DENND6B: variants seen among roughly 807,000 people sequenced by gnomAD.
DENND6B encodes DENN domain containing 6B.
Under a neutral mutation model 85.1 loss-of-function variants are expected in DENND6B, and 73 were observed. The observed-to-expected ratio is 0.86, with a 90% CI of 0.71 to 1.04. The LOEUF (loss-of-function observed/expected upper bound fraction) is 1.04. DENND6B is among the 50% of genes least tolerant of loss of function. DENND6B has a pLI of 0.00. For missense variants in DENND6B, 715 were observed against 785.8 expected (o/e 0.91, Z 1.08); for synonymous variants, 357 against 329.3 (o/e 1.08, Z -0.91).
rs186696378 is a variant in DENND6B, at chr22:50,311,814, G to A, written c.*325C>T. On this transcript the variant is annotated 3_prime_UTR_variant, in exon 20 of 20. Coordinates refer to ENST00000413817, the MANE Select transcript of DENND6B (RefSeq NM_001001794.4). ...GGTCGGGGGCCAACAGATGGGCACC[G>A]GGAGGGGCAGACGGTAGACGCACCC... 1,385 of 382,850 alleles carry A rather than the reference G, an allele frequency of 3.6e-3. 3 individuals are homozygous for A. The highest frequency in any genetic ancestry group is 5.6e-3 in the Non-Finnish European group (1,153 of 205,664). 23.7% of individuals were successfully genotyped at this position (382,850 alleles called of 1,614,324 possible).
chr22:50,325,017 C>T (rs1467750434), intron 1 of DENND6B, among the ~76,000 whole-genome samples: 3 of 152,174 alleles, frequency 2.0e-5, no homozygotes, highest in East Asian at 1.9e-4. Context: ...GTGACTAAAA[C>T]GACCTCGATC....
Position 50,314,205 on chromosome 22 carries a change from A to C in DENND6B, c.1138+2T>G. ...GGGCTCCAGGTCGAGGGGAGCACAG[A>C]CCTGGCTTGGTGTCCAGGGTCTTCA... On this transcript the variant is annotated splice_donor_variant, in intron 13 of 19. Transcript: ENST00000413817. LOFTEE classifies it high-confidence loss of function. 6.2e-7 allele frequency: 1 copy of C among 1,603,336 alleles called. No individual in the cohort carries two copies. Among genetic ancestry groups the C allele is most frequent in the South Asian group, 1.1e-5 (1 of 90,922 alleles).
chr22:50,309,907 G>A lies in DENND6B; in HGVS notation c.*2232C>T, dbSNP rs1480797702. The stretch of plus-strand genomic sequence containing the variant: ...AGCACATGCTGCCACGGTCCTTGGG[G>A]TGCGCTCCCCAAAGTGGGGTCACAG... On this transcript the variant is annotated 3_prime_UTR_variant, in exon 20 of 20. Transcript: ENST00000413817. The A allele has an allele frequency of 6.6e-6, 1 of 152,320 alleles. No homozygotes were observed. Among genetic ancestry groups the A allele is most frequent in the Non-Finnish European group, 1.5e-5 (1 of 68,098 alleles). 9.4% of individuals were successfully genotyped at this position (152,320 alleles called of 1,614,324 possible).
chr22:50,325,326 G>A (rs2042160049), intron 1 of DENND6B, among the ~76,000 whole-genome samples: 1 of 149,826 alleles, frequency 6.7e-6, no homozygotes, highest in East Asian at 2.0e-4. Context: ...AAGGAACAGA[G>A]GAACCTCCTT....
intron 15 of DENND6B, 32 bp from the exon 16 acceptor site, chr22:50,313,531 G>C (rs1183623218): frequency 6.5e-7 from 1 of 1,537,722 alleles, no homozygotes; most frequent in Non-Finnish European, 8.8e-7. Flanking sequence ...GTGAGCCCGG[G>C]GACCCATGCC....
At position 50,312,550 on chromosome 22, in the gene DENND6B, G is replaced by A. The variant is rs531277848; in HGVS notation, c.1533C>T (p.Ala511=). The A allele has an allele frequency of 5.7e-5, 91 of 1,595,668 alleles. 1 individual carries two copies. The African/African-American group carries it at 1.1e-3, about 19-fold the overall frequency. The stretch of plus-strand genomic sequence containing the variant: ...CCTCACAGATAGCCTCCAGGTGCAG[G>A]GCCTCCAGCTTCAGGGCCATCTCCT... ...RHKEMALKLE[A]LHLEAICEAN... The change falls in exon 18 of 20, where the codon GCC becomes GCT. Residue 511 remains alanine, a synonymous_variant. Coordinates refer to ENST00000413817, the MANE Select transcript of DENND6B (RefSeq NM_001001794.4).
At chr22:50,324,943 T>G (rs564409221) in intron 1 of DENND6B, among the ~76,000 whole-genome samples, 4 of 152,282 alleles carry the variant, frequency 2.6e-5, no homozygotes, top group African/African-American at 9.6e-5. Context: ...TCCTGGGGCT[T>G]TGCAGTGCTT....
chr22:50,317,763 C>T, intron 4 of DENND6B, 145 bp downstream of exon 4: 1 of 793,162 alleles, frequency 1.3e-6, no homozygotes, highest in Non-Finnish European at 1.9e-6. Context: ...GTGCCTGGGA[C>T]TGCAGGGCCA....
chr22:50,314,903 C>T lies in DENND6B; in HGVS notation c.777G>A (p.Leu259=). The T allele has an allele frequency of 6.2e-7, 1 of 1,611,412 alleles. No individual in the cohort carries two copies. Among genetic ancestry groups the T allele is most frequent in the African/African-American group, 1.3e-5 (1 of 75,004 alleles). ...GCTCCCACAGTGTCTGCATATGAGT[C>T]AGCACAGGCCGGAAGCACCTGGGGC... is the stretch of plus-strand genomic sequence containing the variant. ...LDLFRCFRPV[L]THMQTLWELM... The change falls in exon 10 of 20, where the codon CTG becomes CTA. Residue 259 remains leucine, a synonymous_variant. Transcript: ENST00000413817.
intron 1 of DENND6B, among the ~76,000 whole-genome samples, chr22:50,323,710 G>A (rs1046153255): frequency 8.5e-5 from 12 of 141,844 alleles, no homozygotes; most frequent in African/African-American, 3.2e-4. Flanking sequence ...GCATCAGCCA[G>A]CACGCCTAGC....
intron 5 of DENND6B, 47 bp downstream of exon 5, chr22:50,317,236 TGCCTGCCAGC>T (rs2041880045): frequency 6.3e-7 from 1 of 1,597,730 alleles, no homozygotes; most frequent in Non-Finnish European, 8.5e-7. Flanking sequence ...CCCCTCCTGC[TGCCTGCCAGC>T]TCCTGCCGCT....
intron 3 of DENND6B, 75 bp downstream of exon 3, chr22:50,318,772 T>C (rs1160363221): frequency 1.3e-6 from 2 of 1,587,832 alleles, no homozygotes; most frequent in East Asian, 2.3e-5. Flanking sequence ...GAGGCAGCCA[T>C]GATGCCCCTG....
Position 50,316,469 on chromosome 22 carries a change from C to A in DENND6B, c.460G>T (p.Val154Leu). 1 of 1,577,812 alleles carries A rather than the reference C, an allele frequency of 6.3e-7. No individual in the cohort carries two copies. ...ACAAAGGGCAAGCGGGACACCAGCA[C>A]CAAAGACTGCAGGGCCACGGGGCCA... Reference protein sequence around the residue: ...VKRGYFQKSLVLVSRLPFVRL... With the variant: ...VKRGYFQKSLLLVSRLPFVRL... Residue 154 changes from valine (V) to leucine (L), a missense_variant, in exon 6 of 20, where the codon GTG becomes TTG. By Grantham distance (32) the Val-to-Leu change is conservative. Coordinates refer to ENST00000413817, the MANE Select transcript of DENND6B (RefSeq NM_001001794.4).
chr22:50,326,994 C>T lies in DENND6B; in HGVS notation c.-6G>A. 8.4e-7 allele frequency: 1 copy of T among 1,187,688 alleles called. No homozygotes were observed. The highest frequency in any genetic ancestry group is 1.0e-6 in the Non-Finnish European group (1 of 960,766). The allele number at this position is 1,187,688 out of a possible 1,614,324, so 73.6% of individuals were successfully genotyped here. ...GTGCCCAACAGCGCGTCCATGGCGG[C>T]GGCCGCGGGTTGCCGGGGAAACGCG... On this transcript the variant is annotated 5_prime_UTR_variant, in exon 1 of 20. Coordinates refer to ENST00000413817, the MANE Select transcript of DENND6B (RefSeq NM_001001794.4).
Position 50,313,678 on chromosome 22 carries a change from C to A in DENND6B, c.1250G>T (p.Arg417Leu), listed in dbSNP as rs201791970. ...RPSDVQSALL[R>L]RHLLELTQSF... ...CTGGGTGAGCTCCAGGAGGTGCCGC[C>A]GCAGCAGGGCGCTCTGCACATCTGA... Residue 417 changes from arginine (R) to leucine (L), a missense_variant, in exon 15 of 20, where the codon CGG (arginine) becomes CTG (leucine). Transcript: ENST00000413817. The A allele has an allele frequency of 2.3e-5, 36 of 1,599,150 alleles. No individual in the cohort carries two copies. The highest frequency in any genetic ancestry group is 2.8e-5 in the Non-Finnish European group (33 of 1,175,002).
rs1051978341 is a variant in DENND6B, at chr22:50,319,215, G to A, written c.178-212C>T. The A allele has an allele frequency of 2.0e-6, 3 of 1,479,078 alleles. No homozygotes were observed. In the African/African-American group the frequency reaches 4.2e-5, roughly 21 times the overall value. 91.6% of individuals were successfully genotyped at this position (1,479,078 alleles called of 1,614,324 possible). On this transcript the variant is annotated intron_variant, in intron 1 of 19. Coordinates refer to ENST00000413817, the MANE Select transcript of DENND6B (RefSeq NM_001001794.4). The stretch of plus-strand genomic sequence containing the variant: ...CATATTCTCTGTGTTCCAACAGCAT[G>A]CTGCATCCTCCCCACACCACCTTCT...
chr22:50,312,425 G>A lies in DENND6B; in HGVS notation c.1561-8C>T, dbSNP rs773026431. On this transcript the variant is annotated splice_region_variant and splice_polypyrimidine_tract_variant and intron_variant, in intron 18 of 19. Transcript: ENST00000413817. ...CATCCAGGTCTCGATGTTCTGCAGG[G>A]CAAGACGGGGTCTACTGTCAGCAAG... 1.2e-6 allele frequency: 2 copies of A among 1,608,698 alleles called. No homozygotes were observed. Among genetic ancestry groups the A allele is most frequent in the Admixed American group, 1.7e-5 (1 of 59,452 alleles).
chr22:50,323,100 C>T lies in DENND6B; in HGVS notation c.177+3712G>A, dbSNP rs146012124. 5.1e-3 allele frequency among the ~76,000 whole-genome samples: 690 copies of T among 135,704 alleles called. 5 individuals are homozygous for T. The highest frequency in any genetic ancestry group is 0.018 in the African/African-American group (652 of 36,040). The allele number at this position is 135,704 out of a possible 152,430, so 89.0% of individuals were successfully genotyped here. Reference sequence around the variant, plus strand: ...GCCAGAATGGTCTTGATCTCCTGACCTCGTGATCAGCCCGCCTCAGCCTCC... The same window carrying T: ...GCCAGAATGGTCTTGATCTCCTGACTTCGTGATCAGCCCGCCTCAGCCTCC... On this transcript the variant is annotated intron_variant, in intron 1 of 19. Coordinates refer to ENST00000413817, the MANE Select transcript of DENND6B (RefSeq NM_001001794.4).
At chr22:50,323,662 TC>T in intron 1 of DENND6B, among the ~76,000 whole-genome samples, 1 of 149,944 alleles carries the variant, frequency 6.7e-6, no homozygotes, top group East Asian at 2.0e-4. Flanking sequence ...GCTCAAGTGC[TC>T]CTCCCACTGT....
Sources: allele counts gnomAD v4.1 joint callset (sites outside exome capture counted in the v4.1 genomes callset), GRCh38; gene constraint gnomAD v4.1.1; transcripts MANE v1.5; gene names NCBI Gene and HGNC (gene_info 2026-07-23, HGNC 2026-07-21).